Variants in VPS41 observed in about 807,000 individuals in gnomAD.
VPS41 encodes vacuolar protein sorting-associated protein 41 homolog.
In VPS41, 85 loss-of-function variants were observed where a neutral mutation model predicts 130.9. The observed-to-expected ratio is 0.65, with a 90% CI of 0.55 to 0.78. VPS41 has a LOEUF of 0.78. Among genes scored for constraint, VPS41 ranks in the 30% least tolerant of loss-of-function variants. VPS41 has a pLI of 0.00. For synonymous variants in VPS41, 335 were observed against 332.9 expected (o/e 1.01, Z -0.07); for missense variants, 874 against 1,018.7 (o/e 0.86, Z 1.93).
At chr7:38,832,319 CTTTTTTTTTTT>C in intron 4 of VPS41, among the ~76,000 whole-genome samples, 1 of 114,726 alleles carries the variant, frequency 8.7e-6, no homozygotes, top group South Asian at 2.7e-4. Context: ...TTCTTTCTTT[CTTTTTTTTTTT>C]TTTTTTTTGA....
intron 4 of VPS41, among the ~76,000 whole-genome samples, chr7:38,853,937 G>A (rs1785923219): frequency 6.6e-6 from 1 of 152,146 alleles, no homozygotes; most frequent in Admixed American, 6.5e-5. Context: ...TTCTGACCAT[G>A]TTTTCTTAGC....
chr7:38,747,014 CT>C (rs1468657599), intron 22 of VPS41, among the ~76,000 whole-genome samples: 2 of 152,174 alleles, frequency 1.3e-5, no homozygotes, highest in African/African-American at 4.8e-5. Context: ...AACTGTTGCT[CT>C]GTTAAGCCAC....
At chr7:38,752,080 G>T in intron 22 of VPS41, 96 bp downstream of exon 22, 4 of 1,534,472 alleles carry the variant, frequency 2.6e-6, no homozygotes, top group Non-Finnish European at 3.6e-6. Flanking sequence ...GAAAGGGACA[G>T]ATGAACAGAG....
At chr7:38,817,733 A>G in intron 7 of VPS41, 84 bp downstream of exon 7, 1 of 1,133,600 alleles carries the variant, frequency 8.8e-7, no homozygotes. Context: ...ATAGCCAGAC[A>G]TAAAAACATT....
intron 7 of VPS41, among the ~76,000 whole-genome samples, chr7:38,805,987 T>C (rs1373949130): frequency 1.3e-5 from 2 of 152,186 alleles, no homozygotes; most frequent in Non-Finnish European, 2.9e-5. Flanking sequence ...TATTAAAAGC[T>C]GCCCTGAGCA....
chr7:38,841,004 C>T (rs1412655359), intron 4 of VPS41, among the ~76,000 whole-genome samples: 1 of 152,178 alleles, frequency 6.6e-6, no homozygotes, highest in East Asian at 1.9e-4. Context: ...ACTGTGTTGG[C>T]AGCAACTCAT....
chr7:38,805,490 G>A (rs755059860), intron 7 of VPS41, among the ~76,000 whole-genome samples: 7 of 151,422 alleles, frequency 4.6e-5, no homozygotes, highest in Non-Finnish European at 8.8e-5. Flanking sequence ...CCGAGATCGC[G>A]CCACTGCACT....
Position 38,768,860 on chromosome 7 carries a change from T to G in VPS41, c.1186-1262A>C, listed in dbSNP as rs143536831. Among the ~76,000 whole-genome samples the G allele has an allele frequency of 1.7e-4, 26 of 152,262 alleles. No individual in the cohort carries two copies. The East Asian group carries it at 5.0e-3, about 29-fold the overall frequency. On this transcript the variant is annotated intron_variant, in intron 14 of 28. Coordinates refer to ENST00000310301, the MANE Select transcript of VPS41 (RefSeq NM_014396.4). ...CTATTTTACCTCTTTTCCCTCAGCA[T>G]AAGCATGTTTAAGTGCCTCTCTTAC...
chr7:38,907,482 T>C (rs1787294085), intron 1 of VPS41, among the ~76,000 whole-genome samples: 1 of 152,210 alleles, frequency 6.6e-6, no homozygotes, highest in African/African-American at 2.4e-5. Flanking sequence ...CCCTGGAAAG[T>C]CTAGAATATC....
chr7:38,785,068 G>C (rs566582634), intron 10 of VPS41, among the ~76,000 whole-genome samples: 26 of 152,258 alleles, frequency 1.7e-4, no homozygotes, highest in African/African-American at 5.8e-4. Context: ...AATGCATTGA[G>C]GGCCCTTTAT....
At chr7:38,856,586 G>T (rs925748592) in intron 4 of VPS41, among the ~76,000 whole-genome samples, 1 of 152,108 alleles carries the variant, frequency 6.6e-6, no homozygotes, top group African/African-American at 2.4e-5. Context: ...ATACTTACTG[G>T]ATACCAAACG....
intron 2 of VPS41, among the ~76,000 whole-genome samples, chr7:38,869,531 C>T (rs563680390): frequency 3.9e-5 from 6 of 152,192 alleles, no homozygotes; most frequent in East Asian, 1.9e-4. Flanking sequence ...CTATTTGGTA[C>T]GGCTTCATAA....
chr7:38,826,494 C>T (rs918244924), intron 5 of VPS41, among the ~76,000 whole-genome samples: 5 of 152,206 alleles, frequency 3.3e-5, no homozygotes, highest in African/African-American at 7.2e-5. Flanking sequence ...CCTCTAAGAA[C>T]CTGGAGCAGA....
intron 1 of VPS41, among the ~76,000 whole-genome samples, chr7:38,901,535 A>C (rs1485643078): frequency 6.6e-6 from 1 of 152,150 alleles, no homozygotes; most frequent in Non-Finnish European, 1.5e-5. Flanking sequence ...GCTCTTTTTA[A>C]CAACCAGCTC....
At chr7:38,854,095 TAATTTTCA>T (rs1785928056) in intron 4 of VPS41, among the ~76,000 whole-genome samples, 1 of 152,248 alleles carries the variant, frequency 6.6e-6, no homozygotes, top group Non-Finnish European at 1.5e-5. Context: ...TCCATTTAAG[TAATTTTCA>T]ATTCCTTTGA....
chr7:38,829,502 T>G (rs946640390), intron 5 of VPS41, among the ~76,000 whole-genome samples: 1 of 152,130 alleles, frequency 6.6e-6, no homozygotes, highest in Non-Finnish European at 1.5e-5. Context: ...TTTAGAAAAG[T>G]AGCTTAAATA....
At chr7:38,780,600 C>A (rs1255801460) in intron 10 of VPS41, among the ~76,000 whole-genome samples, 1 of 152,128 alleles carries the variant, frequency 6.6e-6, no homozygotes, top group African/African-American at 2.4e-5. Flanking sequence ...TGTACACGGT[C>A]CTCATCCAAA....
At chr7:38,862,800 C>T (rs1465989697) in intron 3 of VPS41, among the ~76,000 whole-genome samples, 178 bp from the exon 4 acceptor site, 1 of 152,144 alleles carries the variant, frequency 6.6e-6, no homozygotes, top group East Asian at 1.9e-4. Flanking sequence ...CAGAACAGGG[C>T]CTATTTTATT....
chr7:38,805,073 C>A (rs1328796740), intron 7 of VPS41, among the ~76,000 whole-genome samples: 1 of 152,190 alleles, frequency 6.6e-6, no homozygotes, highest in Non-Finnish European at 1.5e-5. Flanking sequence ...CTGCAATGAA[C>A]AAATATCTCT....
Sources: allele counts gnomAD v4.1 joint callset (sites outside exome capture counted in the v4.1 genomes callset), GRCh38; gene constraint gnomAD v4.1.1; transcripts MANE v1.5; gene names NCBI Gene and HGNC (gene_info 2026-07-23, HGNC 2026-07-21).